COMMD1: variants seen among roughly 807,000 people sequenced by gnomAD.
COMMD1 encodes the protein copper metabolism domain containing 1.
Under a neutral mutation model 17.2 loss-of-function variants are expected in COMMD1, and 10 were observed. That is an observed-to-expected ratio of 0.58 (90% CI 0.36 to 0.99). The LOEUF is 0.99. Ranked by LOEUF, COMMD1 falls within the 50% of genes least tolerant of loss-of-function variation. The pLI is 0.01. For synonymous variants in COMMD1, 97 were observed against 91.6 expected, an observed-to-expected ratio of 1.06 and a Z score of -0.34; for missense variants, 270 against 231.8, an observed-to-expected ratio of 1.17 and a Z score of -1.07.
Position 61,926,610 on chromosome 2 carries a change from G to C in COMMD1, c.180+20752G>C, listed in dbSNP as rs7570070. Among the ~76,000 whole-genome samples the C allele has an allele frequency of 8.6e-5, 13 of 151,926 alleles. 1 individual carries two copies. Among genetic ancestry groups the C allele is most frequent in the Admixed American group, 3.3e-4 (5 of 15,250 alleles). On this transcript the variant is annotated intron_variant, in intron 1 of 2. Coordinates refer to ENST00000311832, the MANE Select transcript of COMMD1 (RefSeq NM_152516.4). ...CCCCATGTCATAGCCTCATTTCTTCGACTCTCTTTTCATGTTTACTTTATC... is the reference window on the plus strand; with the variant it reads ...CCCCATGTCATAGCCTCATTTCTTCCACTCTCTTTTCATGTTTACTTTATC...
intron 2 of COMMD1, among the ~76,000 whole-genome samples, chr2:62,054,010 T>A (rs1216850313): frequency 6.6e-6 from 1 of 151,912 alleles, no homozygotes; most frequent in Non-Finnish European, 1.5e-5. Flanking sequence ...AACAACAAGA[T>A]CCAAATAATC....
intron 2 of COMMD1, among the ~76,000 whole-genome samples, chr2:62,061,554 CT>C (rs57638195): frequency 0.12 from 16,221 of 131,502 alleles, 1,560 homozygotes; most frequent in African/African-American, 0.29. Flanking sequence ...TCTTTCTTTT[CT>C]TTTTTTTTTT....
intron 2 of COMMD1, among the ~76,000 whole-genome samples, chr2:62,004,754 G>A (rs975409854): frequency 2.0e-5 from 3 of 152,140 alleles, no homozygotes; most frequent in African/African-American, 7.2e-5. Context: ...TAGTACTTAT[G>A]CCAGCTTCTA....
At chr2:62,016,206 C>CTTTTTTTTTTTTTTTTTTTTTTTTTTTT (rs769583167) in intron 2 of COMMD1, among the ~76,000 whole-genome samples, 1 of 112,262 alleles carries the variant, frequency 8.9e-6, no homozygotes, top group Non-Finnish European at 1.8e-5. Context: ...CTTTTCTTTT[C>CTTTTTTTTTTTTTTTTTTTTTTTTTTTT]TTTTTTTTTT....
At chr2:61,910,312 T>A (rs1669872530) in intron 1 of COMMD1, among the ~76,000 whole-genome samples, 1 of 151,572 alleles carries the variant, frequency 6.6e-6, no homozygotes, top group Non-Finnish European at 1.5e-5. Flanking sequence ...GTGCGGTGGC[T>A]CGATCTTGGC....
chr2:61,989,967 C>A (rs554563100), intron 1 of COMMD1, among the ~76,000 whole-genome samples: 6 of 152,098 alleles, frequency 3.9e-5, no homozygotes, highest in Non-Finnish European at 7.3e-5. Flanking sequence ...TAGAAAGACC[C>A]CCGTCCCAGA....
At chr2:62,125,233 C>G (rs1333998296) in intron 2 of COMMD1, among the ~76,000 whole-genome samples, 2 of 152,186 alleles carry the variant, frequency 1.3e-5, no homozygotes, top group Non-Finnish European at 2.9e-5. Context: ...CTGAAAGCAC[C>G]TGGTAGGTGC....
chr2:62,064,790 T>G (rs1340444470), intron 2 of COMMD1, among the ~76,000 whole-genome samples: 1 of 152,202 alleles, frequency 6.6e-6, no homozygotes, highest in Non-Finnish European at 1.5e-5. Flanking sequence ...TTCTAAATTT[T>G]TAAAAGTTTT....
At chr2:62,009,283 G>A (rs1242632757) in intron 2 of COMMD1, among the ~76,000 whole-genome samples, 1 of 152,018 alleles carries the variant, frequency 6.6e-6, no homozygotes, top group Non-Finnish European at 1.5e-5. Flanking sequence ...ATTTATAGAA[G>A]GCAATGCTTA....
intron 2 of COMMD1, among the ~76,000 whole-genome samples, chr2:62,081,888 T>C (rs1407736156): frequency 3.3e-5 from 5 of 152,224 alleles, no homozygotes; most frequent in African/African-American, 1.2e-4. Flanking sequence ...TTCCTGCTTT[T>C]TTTAGATCTC....
At chr2:61,997,751 C>A (rs1345391405) in intron 1 of COMMD1, among the ~76,000 whole-genome samples, 1 of 152,170 alleles carries the variant, frequency 6.6e-6, no homozygotes, top group African/African-American at 2.4e-5. Flanking sequence ...TTGGCTTCAA[C>A]TTCAAGTCAC....
intron 1 of COMMD1, among the ~76,000 whole-genome samples, chr2:61,919,971 TAAA>T (rs761585993): frequency 6.6e-6 from 1 of 151,518 alleles, no homozygotes. Context: ...TACAAAAAAA[TAAA>T]AAAAATCAGC....
chr2:62,104,196 T>C (rs1672260279), intron 2 of COMMD1, among the ~76,000 whole-genome samples: 1 of 152,204 alleles, frequency 6.6e-6, no homozygotes, highest in African/African-American at 2.4e-5. Context: ...TTAGCAATAT[T>C]CACTGCATCC....
intron 2 of COMMD1, among the ~76,000 whole-genome samples, chr2:62,030,185 C>A (rs1282792554): frequency 2.0e-5 from 3 of 152,100 alleles, no homozygotes; most frequent in Admixed American, 6.6e-5. Context: ...GTCTTATGGC[C>A]CACAGTGAAA....
chr2:61,968,867 A>T, intron 1 of COMMD1: 1 of 204,894 alleles, frequency 4.9e-6, no homozygotes, highest in Non-Finnish European at 1.1e-5. Context: ...CTCAGTTTTT[A>T]CTTAAAATAA....
chr2:62,042,706 G>A (rs1670267525), intron 2 of COMMD1, among the ~76,000 whole-genome samples: 1 of 152,242 alleles, frequency 6.6e-6, no homozygotes, highest in African/African-American at 2.4e-5. Context: ...GGATGCCGAG[G>A]CTGAGGAGGT....
At chr2:62,116,687 A>G (rs1672614753) in intron 2 of COMMD1, among the ~76,000 whole-genome samples, 1 of 147,592 alleles carries the variant, frequency 6.8e-6, no homozygotes, top group South Asian at 2.1e-4. Flanking sequence ...AAAAAAAAAA[A>G]AAAAAAAAAA....
At chr2:61,930,417 G>A (rs1340997915) in intron 1 of COMMD1, among the ~76,000 whole-genome samples, 3 of 152,112 alleles carry the variant, frequency 2.0e-5, no homozygotes, top group African/African-American at 4.8e-5. Context: ...TTAGCCAGGC[G>A]TGGTGGCACG....
At chr2:61,992,703 T>G (rs998323904) in intron 1 of COMMD1, among the ~76,000 whole-genome samples, 5 of 152,294 alleles carry the variant, frequency 3.3e-5, no homozygotes, top group African/African-American at 1.2e-4. Flanking sequence ...CTCCAATCAC[T>G]GTGAAACCAA....
Sources: gnomAD v4.1 joint callset for allele counts (sites outside exome capture counted in the v4.1 genomes callset) on GRCh38, gnomAD v4.1.1 for gene constraint, MANE v1.5 for transcripts, NCBI Gene and HGNC (gene_info 2026-07-23, HGNC 2026-07-21) for gene names.